Variants in KCNH1 observed in about 807,000 individuals in gnomAD.
The protein encoded by KCNH1 is voltage-gated delayed rectifier potassium channel KCNH1.
In KCNH1, 27 loss-of-function variants were observed where a neutral mutation model predicts 69.2. That is an observed-to-expected ratio of 0.39 (90% confidence interval 0.29 to 0.54). The LOEUF (loss-of-function observed/expected upper bound fraction) is 0.54, where lower values mean the gene tolerates loss of function less well. KCNH1 is among the 20% of genes least tolerant of loss of function. The pLI, the probability that KCNH1 is intolerant of heterozygous loss-of-function variation, is 0.68. For synonymous variants in KCNH1, 456 were observed against 487.7 expected (o/e 0.93, Z 0.86); for missense variants, 798 against 1,261.6 (o/e 0.63, Z 5.57).
chr1:210,773,059 A>T (rs925191314), intron 10 of KCNH1, among the ~76,000 whole-genome samples: 1 of 152,186 alleles, frequency 6.6e-6, no homozygotes. Flanking sequence ...TATTTTTTCA[A>T]CCTATATTAT....
intron 10 of KCNH1, among the ~76,000 whole-genome samples, chr1:210,770,864 C>T (rs939534091): frequency 3.3e-5 from 5 of 152,216 alleles, no homozygotes; most frequent in African/African-American, 9.7e-5. Context: ...GAGGCTACCA[C>T]AGAATGTGAC....
At chr1:210,859,025 T>A in intron 7 of KCNH1, 2 of 464,756 alleles carry the variant, frequency 4.3e-6, no homozygotes, top group Admixed American at 3.3e-5. Flanking sequence ...TCAGGTCCCA[T>A]CTCCTGGGGT....
chr1:210,891,224 G>A (rs1050850232), intron 7 of KCNH1, among the ~76,000 whole-genome samples: 5 of 152,288 alleles, frequency 3.3e-5, no homozygotes, highest in African/African-American at 1.2e-4. Flanking sequence ...AAAAGGATGA[G>A]TTCATGTCCT....
intron 7 of KCNH1, among the ~76,000 whole-genome samples, chr1:210,838,784 T>C (rs1270856372): frequency 2.0e-5 from 3 of 152,188 alleles, no homozygotes; most frequent in Non-Finnish European, 4.4e-5. Context: ...AAAGAAGACA[T>C]TCATGTGGCC....
chr1:210,892,707 G>C (rs1686775126), intron 7 of KCNH1, among the ~76,000 whole-genome samples: 1 of 152,094 alleles, frequency 6.6e-6, no homozygotes, highest in Non-Finnish European at 1.5e-5. Flanking sequence ...TAATACAGTG[G>C]AATCTACTAT....
At chr1:210,794,655 A>C (rs1934613) in intron 9 of KCNH1, among the ~76,000 whole-genome samples, 2 of 152,088 alleles carry the variant, frequency 1.3e-5, no homozygotes, top group Non-Finnish European at 1.5e-5. Context: ...CTAGGTGTTC[A>C]AACCAACTCC....
intron 7 of KCNH1, among the ~76,000 whole-genome samples, chr1:210,813,023 G>C (rs989239607): frequency 5.9e-5 from 9 of 152,274 alleles, no homozygotes; most frequent in African/African-American, 2.2e-4. Flanking sequence ...ATGTCTGCTT[G>C]CTTCCCCCTG....
chr1:211,037,669 C>G (rs1185495302), intron 5 of KCNH1, among the ~76,000 whole-genome samples: 1 of 152,018 alleles, frequency 6.6e-6, no homozygotes, highest in Admixed American at 6.5e-5. Flanking sequence ...AATCCAAAAC[C>G]AGGCACATCG....
chr1:210,962,248 C>CA (rs1688308432), intron 6 of KCNH1, among the ~76,000 whole-genome samples: 1 of 152,222 alleles, frequency 6.6e-6, no homozygotes, highest in African/African-American at 2.4e-5. Flanking sequence ...TTATAAGGCT[C>CA]AGATTGTTTT....
chr1:210,731,486 T>C (rs1351288419), intron 10 of KCNH1, among the ~76,000 whole-genome samples: 1 of 152,002 alleles, frequency 6.6e-6, no homozygotes, highest in Non-Finnish European at 1.5e-5. Flanking sequence ...AGAAAAATTA[T>C]TTACAGAGGC....
At chr1:211,064,189 T>C (rs1571618224) in intron 5 of KCNH1, among the ~76,000 whole-genome samples, 2 of 152,150 alleles carry the variant, frequency 1.3e-5, no homozygotes, top group African/African-American at 4.8e-5. Context: ...TGGAATATAA[T>C]GCAACCATTA....
intron 10 of KCNH1, among the ~76,000 whole-genome samples, chr1:210,702,376 A>G (rs547385186): frequency 1.1e-4 from 17 of 152,016 alleles, no homozygotes; most frequent in African/African-American, 4.1e-4. Context: ...TTGATGTTTT[A>G]ATTTTATTAC....
chr1:210,683,443 G>A lies in KCNH1; in HGVS notation c.2808C>T (p.Asp936=), dbSNP rs1681324591. The change falls in exon 11 of 11, where the codon GAC becomes GAT. Residue 936 remains aspartate, a synonymous_variant. Transcript: ENST00000271751. This position sits in a 1 kb window ranked among gnomAD's most constrained non-coding sequence, Gnocchi z 5.7. ...TCATTTTGGCGTTTAAGGCCTTGAT[G>A]TCCTCCTTCAGCTCGTGCCTCACCT... The part of the protein sequence containing the change: ...VLEVRHELKE[D]IKALNAKMTN... 1 of 1,614,108 alleles carries A rather than the reference G, an allele frequency of 6.2e-7. No individual in the cohort carries two copies. The highest frequency in any genetic ancestry group is 8.5e-7 in the Non-Finnish European group (1 of 1,180,022).
chr1:210,908,800 T>C (rs1369443774), intron 7 of KCNH1, among the ~76,000 whole-genome samples: 14 of 152,138 alleles, frequency 9.2e-5, no homozygotes, highest in Admixed American at 9.2e-4. Context: ...CCCAGACCAG[T>C]TCTGTTTCCC....
chr1:210,711,166 C>A (rs956969995), intron 10 of KCNH1, among the ~76,000 whole-genome samples: 1 of 152,134 alleles, frequency 6.6e-6, no homozygotes, highest in African/African-American at 2.4e-5. Context: ...CCCTAGACAG[C>A]CCCAGACCAT....
chr1:210,705,035 G>A (rs1558431100), intron 10 of KCNH1, among the ~76,000 whole-genome samples: 1 of 152,140 alleles, frequency 6.6e-6, no homozygotes, highest in Non-Finnish European at 1.5e-5. Flanking sequence ...GGCAGGAAAT[G>A]GGGAGAGGAA....
At chr1:210,987,258 C>G (rs1017021152) in intron 6 of KCNH1, among the ~76,000 whole-genome samples, 1 of 152,110 alleles carries the variant, frequency 6.6e-6, no homozygotes, top group Non-Finnish European at 1.5e-5. Flanking sequence ...GTAGTTTGAT[C>G]ATCTGAAGCC....
At chr1:210,904,403 C>T (rs1195046142) in intron 7 of KCNH1, among the ~76,000 whole-genome samples, 1 of 151,868 alleles carries the variant, frequency 6.6e-6, no homozygotes, top group Non-Finnish European at 1.5e-5. Context: ...CTCTGGTGGA[C>T]TAGCAGTTGG....
At chr1:211,080,764 T>C (rs1690840857) in intron 5 of KCNH1, among the ~76,000 whole-genome samples, 1 of 152,162 alleles carries the variant, frequency 6.6e-6, no homozygotes, top group Admixed American at 6.5e-5. Flanking sequence ...TGGCTAGCCA[T>C]ATTGGAAAGC....
Sources: allele counts gnomAD v4.1 joint callset (sites outside exome capture counted in the v4.1 genomes callset), GRCh38; gene constraint gnomAD v4.1.1; non-coding constraint Gnocchi (gnomAD v3.1); transcripts MANE v1.5; gene names NCBI Gene and HGNC (gene_info 2026-07-23, HGNC 2026-07-21).